Variants in SLC5A4 observed in about 807,000 individuals in gnomAD.
SLC5A4 encodes solute carrier family 5 member 4, also known as probable glucose sensor protein SLC5A4.
Under a neutral mutation model 70.3 loss-of-function variants are expected in SLC5A4, and 55 were observed. That is an observed-to-expected ratio of 0.78 (90% CI 0.63 to 0.98). SLC5A4 has a LOEUF of 0.98. Ranked by LOEUF, SLC5A4 falls within the 50% of genes least tolerant of loss-of-function variation. The pLI, the probability that SLC5A4 is intolerant of heterozygous loss-of-function variation, is 0.00. For missense variants in SLC5A4, 735 were observed against 839.2 expected (o/e 0.88, Z 1.53); for synonymous variants, 268 against 305.7 (o/e 0.88, Z 1.29).
the SLC5A4 span, among the ~76,000 whole-genome samples, chr22:32,310,839 TTTGTTCTGCTTTTCCAAACGCAGGGCA>T: frequency 6.6e-6 from 1 of 152,242 alleles, no homozygotes; most frequent in East Asian, 1.9e-4. Flanking sequence ...CCCTAGCAAG[TTTGTTCTGCTTTTCCAAACGCAGGGCA>T]TTGTTTGCAC....
chr22:32,323,861 G>A, the SLC5A4 span, among the ~76,000 whole-genome samples: 1 of 152,212 alleles, frequency 6.6e-6, no homozygotes, highest in Non-Finnish European at 1.5e-5. Context: ...GGTGGCAGCA[G>A]CCATGCCCCT....
the SLC5A4 span, among the ~76,000 whole-genome samples, chr22:32,329,622 TGTGTGTTGGAGGGCTCTGGG>T: frequency 1.1e-5 from 1 of 87,800 alleles, no homozygotes; most frequent in African/African-American, 4.7e-5. Flanking sequence ...GGCTCTGGTG[TGTGTGTTGGAGGGCTCTGGG>T]GTGTGTGTTG....
At chr22:32,319,184 C>T in the SLC5A4 span, among the ~76,000 whole-genome samples, 2 of 151,296 alleles carry the variant, frequency 1.3e-5, no homozygotes, top group African/African-American at 2.4e-5. Context: ...GCCCTTGACT[C>T]ATAGTGGAAC....
intron 5 of SLC5A4, among the ~76,000 whole-genome samples, chr22:32,243,196 G>A (rs1603233006): frequency 6.6e-6 from 1 of 152,126 alleles, no homozygotes; most frequent in East Asian, 1.9e-4. Flanking sequence ...TGCATAACGT[G>A]AATCCAACCA....
the SLC5A4 span, among the ~76,000 whole-genome samples, chr22:32,302,205 A>G: frequency 2.7e-5 from 4 of 150,892 alleles, no homozygotes; most frequent in Non-Finnish European, 4.4e-5. Flanking sequence ...ATGTCTCTTC[A>G]TGTCTACTTT....
At chr22:32,320,700 C>T in the SLC5A4 span, among the ~76,000 whole-genome samples, 145 of 152,016 alleles carry the variant, frequency 9.5e-4, 1 homozygote, top group African/African-American at 3.4e-3. Flanking sequence ...CTGTACTTTC[C>T]GCTCAATTTT....
At chr22:32,292,103 A>G in the SLC5A4 span, among the ~76,000 whole-genome samples, 1 of 129,382 alleles carries the variant, frequency 7.7e-6, no homozygotes, top group Non-Finnish European at 1.6e-5. Context: ...ACTAGATATT[A>G]TATATAATAT....
the SLC5A4 span, among the ~76,000 whole-genome samples, chr22:32,265,341 T>C: frequency 6.6e-6 from 1 of 152,132 alleles, no homozygotes; most frequent in African/African-American, 2.4e-5. Context: ...TGAGCCATAA[T>C]TGTACCATTG....
the SLC5A4 span, among the ~76,000 whole-genome samples, chr22:32,328,024 A>C: frequency 1.3e-5 from 2 of 151,782 alleles, no homozygotes; most frequent in Non-Finnish European, 2.9e-5. Context: ...CATACACCAG[A>C]GCCCCAGCAA....
chr22:32,332,821 T>G, the SLC5A4 span, among the ~76,000 whole-genome samples: 3 of 152,334 alleles, frequency 2.0e-5, no homozygotes, highest in East Asian at 1.9e-4. Flanking sequence ...AACGGGAGGA[T>G]GCATTAGACA....
At chr22:32,271,623 G>C in the SLC5A4 span, 1 of 653,382 alleles carries the variant, frequency 1.5e-6, no homozygotes, top group South Asian at 1.6e-5. Flanking sequence ...GGCTACTCAG[G>C]AGTGTTCATC....
intron 3 of SLC5A4, among the ~76,000 whole-genome samples, chr22:32,249,979 A>G (rs776938713): frequency 2.4e-4 from 36 of 152,080 alleles, no homozygotes; most frequent in Admixed American, 7.9e-4. Flanking sequence ...TTCTTCTTCT[A>G]GTGTGGTCCA....
chr22:32,309,553 C>A, the SLC5A4 span, among the ~76,000 whole-genome samples: 1 of 152,262 alleles, frequency 6.6e-6, no homozygotes, highest in East Asian at 1.9e-4. Flanking sequence ...CATTGAAGGA[C>A]CTGCCAGCCA....
upstream of SLC5A4, among the ~76,000 whole-genome samples, chr22:32,260,110 T>G (rs527874001): frequency 6.6e-6 from 1 of 152,276 alleles, no homozygotes; most frequent in South Asian, 2.1e-4. Flanking sequence ...CAGAAGGGGA[T>G]GAGGGTGGGA....
chr22:32,311,520 C>T, the SLC5A4 span, among the ~76,000 whole-genome samples: 4 of 152,190 alleles, frequency 2.6e-5, no homozygotes, highest in Non-Finnish European at 5.9e-5. Context: ...AGGTGATTAG[C>T]TCTGTGGGTG....
chr22:32,233,096 C>T lies in SLC5A4; in HGVS notation c.886-62G>A, dbSNP rs1220806648. On this transcript the variant is annotated intron_variant, in intron 8 of 14. Coordinates refer to ENST00000266086, the MANE Select transcript of SLC5A4 (RefSeq NM_014227.3). Reference sequence around the variant, plus strand: ...AGGGGATGATTTCAAAGGCAGTCAGCGTCCCTTTCCAGAGTTTAATGTTGC... The same window carrying T: ...AGGGGATGATTTCAAAGGCAGTCAGTGTCCCTTTCCAGAGTTTAATGTTGC... 1.2e-5 allele frequency: 19 copies of T among 1,556,026 alleles called. 1 individual carries two copies. Among genetic ancestry groups the T allele is most frequent in the African/African-American group, 2.7e-5 (2 of 73,498 alleles).
At chr22:32,303,254 G>GTT in the SLC5A4 span, among the ~76,000 whole-genome samples, 16 of 152,210 alleles carry the variant, frequency 1.1e-4, no homozygotes, top group African/African-American at 3.4e-4. Context: ...ATCAATATGT[G>GTT]TAAGGTATAC....
the SLC5A4 span, among the ~76,000 whole-genome samples, chr22:32,306,187 C>T: frequency 8.5e-5 from 13 of 152,244 alleles, no homozygotes; most frequent in South Asian, 4.1e-4. Context: ...GTATATAGGC[C>T]GGGCGCGGTG....
At chr22:32,247,866 C>T (rs1263692037) in intron 4 of SLC5A4, among the ~76,000 whole-genome samples, 6 of 152,240 alleles carry the variant, frequency 3.9e-5, no homozygotes, top group Non-Finnish European at 4.4e-5. Context: ...TTCTCCTTGT[C>T]ATCCATCATT....
Sources: allele counts gnomAD v4.1 joint callset (sites outside exome capture counted in the v4.1 genomes callset), GRCh38; gene constraint gnomAD v4.1.1; transcripts MANE v1.5; gene names NCBI Gene and HGNC (gene_info 2026-07-23, HGNC 2026-07-21).